MTRF1: variants seen among roughly 807,000 people sequenced by gnomAD.
MTRF1 encodes mitochondrial translation release factor 1, also known as peptide chain release factor 1, mitochondrial.
MTRF1 carries 51 observed loss-of-function variants against 62.9 expected under a neutral mutation model. The ratio of observed to expected loss-of-function variants is 0.81; its 90% CI spans 0.65 to 1.02. MTRF1 has a LOEUF of 1.02. MTRF1 is among the 50% of genes least tolerant of loss of function. The pLI, the probability that MTRF1 is intolerant of heterozygous loss-of-function variation, is 0.00. For missense variants in MTRF1, 446 were observed against 530.0 expected, an observed-to-expected ratio of 0.84 and a Z score of 1.56; for synonymous variants, 158 against 181.9, an observed-to-expected ratio of 0.87 and a Z score of 1.06.
chr13:41,263,005 T>C (rs1363363887), intron 1 of MTRF1, among the ~76,000 whole-genome samples: 1 of 152,194 alleles, frequency 6.6e-6, no homozygotes, highest in Non-Finnish European at 1.5e-5. Context: ...TGCATCACAT[T>C]ATTAAAAGAA....
At chr13:41,311,243 G>A in the MTRF1 span, 1 of 523,930 alleles carries the variant, frequency 1.9e-6, no homozygotes, top group East Asian at 3.5e-5. Flanking sequence ...TCCGGCTCGG[G>A]AGGCGGACCC....
At chr13:41,309,724 C>T in the MTRF1 span, among the ~76,000 whole-genome samples, 9 of 152,174 alleles carry the variant, frequency 5.9e-5, no homozygotes, top group African/African-American at 9.7e-5. Flanking sequence ...TAGGCAGGCA[C>T]TGTGGCTCAC....
At chr13:41,252,282 T>A (rs990364234) in intron 5 of MTRF1, 1 of 147,964 alleles carries the variant, frequency 6.8e-6, no homozygotes, top group Admixed American at 7.1e-5. Context: ...AGCCACTTAG[T>A]CTAATTAGTA....
the MTRF1 span, among the ~76,000 whole-genome samples, chr13:41,307,059 A>C: frequency 1.3e-5 from 2 of 152,312 alleles, no homozygotes; most frequent in Non-Finnish European, 2.9e-5. Context: ...CATACATTAC[A>C]TCTTTTATAC....
At chr13:41,284,910 C>A in the MTRF1 span, among the ~76,000 whole-genome samples, 21 of 152,152 alleles carry the variant, frequency 1.4e-4, no homozygotes, top group Non-Finnish European at 8.8e-5. Flanking sequence ...AACTTTGCCT[C>A]CCTAAGTGCT....
At chr13:41,274,859 C>T in the MTRF1 span, among the ~76,000 whole-genome samples, 2 of 151,950 alleles carry the variant, frequency 1.3e-5, no homozygotes, top group South Asian at 4.2e-4. Context: ...GTGATTCACC[C>T]CCCTTGGCCT....
chr13:41,230,710 CTTCAAGATGGT>C (rs1270547839), intron 7 of MTRF1, among the ~76,000 whole-genome samples: 2 of 146,852 alleles, frequency 1.4e-5, no homozygotes, highest in Admixed American at 1.4e-4. Context: ...TCATGTCTGA[CTTCAAGATGGT>C]TTCCCTTTTT....
At chr13:41,248,218 T>A (rs2038542841) in intron 5 of MTRF1, among the ~76,000 whole-genome samples, 1 of 152,048 alleles carries the variant, frequency 6.6e-6, no homozygotes, top group African/African-American at 2.4e-5. Flanking sequence ...ACCTCCCGGG[T>A]TCAAGTGATT....
the MTRF1 span, among the ~76,000 whole-genome samples, chr13:41,294,429 A>G: frequency 0.051 from 7,613 of 150,684 alleles, 268 homozygotes; most frequent in Non-Finnish European, 0.072. Flanking sequence ...AAAAAAAAAA[A>G]AAAGAAAGAA....
the MTRF1 span, among the ~76,000 whole-genome samples, chr13:41,280,623 T>C: frequency 6.6e-6 from 1 of 152,126 alleles, no homozygotes; most frequent in Non-Finnish European, 1.5e-5. Flanking sequence ...TTGATTGATG[T>C]CTTATGTCTC....
At position 41,226,417 on chromosome 13, in the gene MTRF1, C is replaced by G; in HGVS notation, c.1125+15G>C. On this transcript the variant is annotated intron_variant, in intron 8 of 9. Coordinates refer to ENST00000379480, the MANE Select transcript of MTRF1 (RefSeq NM_004294.4). Reference sequence around the variant, plus strand: ...TTTAAACAGTCACTAAATTATTATACCAAGTAAATCTTACCTGCAGTTTTC... The same window carrying G: ...TTTAAACAGTCACTAAATTATTATAGCAAGTAAATCTTACCTGCAGTTTTC... 6.3e-7 allele frequency: 1 copy of G among 1,599,948 alleles called. No individual in the cohort carries two copies. Among genetic ancestry groups the G allele is most frequent in the Non-Finnish European group, 8.5e-7 (1 of 1,176,590 alleles).
At chr13:41,226,944 C>T (rs1243451533) in intron 7 of MTRF1, among the ~76,000 whole-genome samples, 2 of 152,212 alleles carry the variant, frequency 1.3e-5, no homozygotes, top group African/African-American at 4.8e-5. Context: ...TCAAGAAGAA[C>T]TTGCCTTTTC....
chr13:41,269,154 ATC>A, the MTRF1 span, among the ~76,000 whole-genome samples: 1 of 111,486 alleles, frequency 9.0e-6, no homozygotes, highest in African/African-American at 3.4e-5. Context: ...CTTCCTTTAC[ATC>A]TCTCTTATTT....
chr13:41,233,019 A>G (rs1305849178), intron 7 of MTRF1, among the ~76,000 whole-genome samples: 1 of 152,244 alleles, frequency 6.6e-6, no homozygotes, highest in African/African-American at 2.4e-5. Flanking sequence ...ATATGAACAC[A>G]GTGAAAATTA....
the MTRF1 span, among the ~76,000 whole-genome samples, chr13:41,269,185 G>GTTTTTTTTTTTTTTTTTTTTTTTTTTT: frequency 1.0e-5 from 1 of 96,460 alleles, no homozygotes; most frequent in African/African-American, 4.1e-5. Context: ...CTTTTACCTT[G>GTTTTTTTTTTTTTTTTTTTTTTTTTTT]TTTTTTTTTT....
chr13:41,245,479 A>G (rs1184279618), intron 5 of MTRF1, among the ~76,000 whole-genome samples: 1 of 152,090 alleles, frequency 6.6e-6, no homozygotes, highest in Non-Finnish European at 1.5e-5. Flanking sequence ...CCTGGGCTCA[A>G]GCGATCCTCC....
chr13:41,285,589 G>A, the MTRF1 span, among the ~76,000 whole-genome samples: 2 of 152,124 alleles, frequency 1.3e-5, no homozygotes, highest in Non-Finnish European at 2.9e-5. Flanking sequence ...ATTGAAGCTG[G>A]TATCCTCCTT....
At chr13:41,273,334 A>T in the MTRF1 span, among the ~76,000 whole-genome samples, 1 of 151,884 alleles carries the variant, frequency 6.6e-6, no homozygotes, top group Non-Finnish European at 1.5e-5. Context: ...TCAAAAAAAA[A>T]AAAAAAAGTT....
intron 5 of MTRF1, among the ~76,000 whole-genome samples, chr13:41,249,033 AATTTGTAC>A (rs2038663723): frequency 6.6e-6 from 1 of 152,144 alleles, no homozygotes; most frequent in Non-Finnish European, 1.5e-5. Context: ...TTAATGTATG[AATTTGTAC>A]ATGAAACTGT....
Sources: allele counts gnomAD v4.1 joint callset (sites outside exome capture counted in the v4.1 genomes callset), GRCh38; gene constraint gnomAD v4.1.1; transcripts MANE v1.5; gene names NCBI Gene and HGNC (gene_info 2026-07-23, HGNC 2026-07-21).